The following GUCY1A2 variants were observed in gnomAD, a reference collection of about 807,000 sequenced individuals.
GUCY1A2 encodes guanylate cyclase soluble subunit alpha-2.
GUCY1A2 carries 27 observed loss-of-function variants against 63.5 expected under a neutral mutation model. That is an observed-to-expected ratio of 0.43 (90% CI 0.31 to 0.59). GUCY1A2 has a LOEUF of 0.59. Ranked by LOEUF, GUCY1A2 falls within the 20% of genes least tolerant of loss-of-function variation. The pLI is 0.11. For synonymous variants in GUCY1A2, 364 were observed against 343.5 expected (o/e 1.06, Z -0.66); for missense variants, 768 against 913.3 (o/e 0.84, Z 2.05).
intron 3 of GUCY1A2, among the ~76,000 whole-genome samples, chr11:106,954,257 T>C (rs533007321): frequency 7.2e-5 from 11 of 152,306 alleles, no homozygotes; most frequent in Admixed American, 2.6e-4. Context: ...TCTGCTTTAA[T>C]TTCATTATTT....
intron 1 of GUCY1A2, 99 bp from the exon 2 acceptor site, chr11:106,986,230 T>C: frequency 3.0e-6 from 2 of 676,444 alleles, no homozygotes; most frequent in Non-Finnish European, 5.2e-6. Context: ...CTGATTTATC[T>C]CTTGAGAGTT....
At chr11:106,789,867 C>T (rs1317229841) in intron 5 of GUCY1A2, among the ~76,000 whole-genome samples, 1 of 152,200 alleles carries the variant, frequency 6.6e-6, no homozygotes, top group East Asian at 1.9e-4. Flanking sequence ...GAGTCTCTCT[C>T]TCTGTGCTGA....
At chr11:106,746,040 C>A (rs1291063989) in intron 6 of GUCY1A2, among the ~76,000 whole-genome samples, 5 of 152,112 alleles carry the variant, frequency 3.3e-5, no homozygotes, top group Non-Finnish European at 7.3e-5. Flanking sequence ...AAAACTGGGG[C>A]AAAAACAAAA....
At position 106,676,750 on chromosome 11, in the gene GUCY1A2, A is replaced by T. The variant is rs1301648688; in HGVS notation, c.*10799T>A. 1.1e-5 allele frequency: 2 copies of T among 188,340 alleles called. No individual in the cohort carries two copies. Among genetic ancestry groups the T allele is most frequent in the East Asian group, 8.6e-5 (1 of 11,638 alleles). The allele number at this position is 188,340 out of a possible 1,614,324, so 11.7% of individuals were successfully genotyped here. ...CAATTTCCCTACAAACAGAAAAAGC[A>T]TTTTTTTTTTCTATTTCAGTCTTTA... On this transcript the variant is annotated 3_prime_UTR_variant, in exon 8 of 8. Coordinates refer to ENST00000526355, the MANE Select transcript of GUCY1A2 (RefSeq NM_000855.3).
chr11:107,009,236 T>C (rs907468519), intron 1 of GUCY1A2, among the ~76,000 whole-genome samples: 5 of 152,176 alleles, frequency 3.3e-5, no homozygotes, highest in South Asian at 2.1e-4. Context: ...GCCCTATATA[T>C]CTGATATCTG....
rs1341373064 is a variant in GUCY1A2 at position 106,977,784 on chromosome 11, G to A, written c.487+835C>T. On this transcript the variant is annotated intron_variant, in intron 3 of 7. Transcript: ENST00000526355. The stretch of plus-strand genomic sequence containing the variant: ...GAGATTCTGCATTCTGTGTGGAGTC[G>A]CTCACTAAGATTTATTATTCCCCAC... Among the ~76,000 whole-genome samples, 5 of 152,006 alleles carry A rather than the reference G, an allele frequency of 3.3e-5. No individual in the cohort carries two copies. The South Asian group carries it at 6.2e-4, about 19-fold the overall frequency.
chr11:106,754,655 C>T (rs1370280874), intron 6 of GUCY1A2, among the ~76,000 whole-genome samples: 2 of 152,254 alleles, frequency 1.3e-5, no homozygotes, highest in East Asian at 3.9e-4. Flanking sequence ...TGATGGATTA[C>T]ATTTATTGAT....
intron 4 of GUCY1A2, among the ~76,000 whole-genome samples, chr11:106,861,546 C>T (rs1859512735): frequency 6.6e-6 from 1 of 151,952 alleles, no homozygotes; most frequent in East Asian, 1.9e-4. Flanking sequence ...CAAGTTGGGG[C>T]TCTATCACTA....
chr11:106,784,562 T>A (rs1864524294), intron 5 of GUCY1A2, among the ~76,000 whole-genome samples: 1 of 152,184 alleles, frequency 6.6e-6, no homozygotes, highest in Non-Finnish European at 1.5e-5. Context: ...CTCTACCTCT[T>A]TGGCATCTGG....
At chr11:107,003,168 G>T (rs1217519301) in intron 1 of GUCY1A2, among the ~76,000 whole-genome samples, 1 of 152,036 alleles carries the variant, frequency 6.6e-6, no homozygotes. Flanking sequence ...GATGTATGCC[G>T]ACAATATCCT....
At chr11:106,845,115 C>G (rs1859252697) in intron 4 of GUCY1A2, among the ~76,000 whole-genome samples, 1 of 151,638 alleles carries the variant, frequency 6.6e-6, no homozygotes, top group African/African-American at 2.4e-5. Flanking sequence ...TTTCTCAATC[C>G]TGGCTGTACA....
intron 4 of GUCY1A2, among the ~76,000 whole-genome samples, chr11:106,879,967 A>G (rs1859801548): frequency 6.6e-6 from 1 of 152,122 alleles, no homozygotes; most frequent in South Asian, 2.1e-4. Flanking sequence ...TGCACCTGAC[A>G]GCAATGACGA....
intron 7 of GUCY1A2, among the ~76,000 whole-genome samples, chr11:106,704,082 T>G (rs1427013809): frequency 6.6e-6 from 1 of 152,106 alleles, no homozygotes; most frequent in Non-Finnish European, 1.5e-5. Flanking sequence ...CAGCTCTTAG[T>G]CACAGCTCAA....
Position 106,680,263 on chromosome 11 carries a change from T to G in GUCY1A2, c.*7286A>C, listed in dbSNP as rs181377532. Reference sequence around the variant, plus strand: ...AATTTTGCACATTCCTGATTTTATTTCAGTTATTACTTTCCTCTTAGATAT... The same window carrying G: ...AATTTTGCACATTCCTGATTTTATTGCAGTTATTACTTTCCTCTTAGATAT... On this transcript the variant is annotated 3_prime_UTR_variant, in exon 8 of 8. Transcript: ENST00000526355. 2 of 208,190 alleles carry G rather than the reference T, an allele frequency of 9.6e-6. No homozygotes were observed. The highest frequency in any genetic ancestry group is 1.5e-4 in the East Asian group (2 of 13,642). The allele number at this position is 208,190 out of a possible 1,614,324, so 12.9% of individuals were successfully genotyped here. A position where few individuals can be genotyped will look rare whatever the true frequency, so the allele number is the denominator to read the frequency against.
At chr11:106,757,020 A>C (rs573115879) in intron 6 of GUCY1A2, among the ~76,000 whole-genome samples, 1 of 152,118 alleles carries the variant, frequency 6.6e-6, no homozygotes, top group African/African-American at 2.4e-5. Flanking sequence ...TCATAGTCCC[A>C]TATTTCTTGA....
At chr11:106,965,474 G>A (rs1445268933) in intron 3 of GUCY1A2, among the ~76,000 whole-genome samples, 2 of 152,092 alleles carry the variant, frequency 1.3e-5, no homozygotes, top group Non-Finnish European at 2.9e-5. Context: ...TGTGTATATG[G>A]AGAAAAAGAA....
rs139658512 is a variant in GUCY1A2 at position 106,802,369 on chromosome 11, T to C, written c.1692+7624A>G. 5.9e-5 allele frequency among the ~76,000 whole-genome samples: 9 copies of C among 152,302 alleles called. No individual in the cohort carries two copies. The East Asian group carries it at 1.5e-3, about 26-fold the overall frequency. On this transcript the variant is annotated intron_variant, in intron 5 of 7. Coordinates refer to ENST00000526355, the MANE Select transcript of GUCY1A2 (RefSeq NM_000855.3). ...ATTGATACACAAAAGAGAGATACTG[T>C]GCAATAACACAATTAACTCTATAAG... is the stretch of plus-strand genomic sequence containing the variant.
chr11:106,994,566 T>C (rs886116406), intron 1 of GUCY1A2, among the ~76,000 whole-genome samples: 8 of 152,210 alleles, frequency 5.3e-5, no homozygotes, highest in Admixed American at 3.3e-4. Context: ...TCACTTTTTT[T>C]TCCATCCTAT....
chr11:106,701,368 C>A (rs989398568), intron 7 of GUCY1A2, among the ~76,000 whole-genome samples: 1 of 152,018 alleles, frequency 6.6e-6, no homozygotes, highest in Non-Finnish European at 1.5e-5. Flanking sequence ...AAATAATATC[C>A]TTCCTTTTTA....
Sources: allele counts gnomAD v4.1 joint callset (sites outside exome capture counted in the v4.1 genomes callset), GRCh38; gene constraint gnomAD v4.1.1; transcripts MANE v1.5; gene names NCBI Gene and HGNC (gene_info 2026-07-23, HGNC 2026-07-21).